SLC9A9: variants seen among roughly 807,000 people sequenced by gnomAD.
SLC9A9 encodes sodium/hydrogen exchanger 9.
In SLC9A9, 62 loss-of-function variants were observed where a neutral mutation model predicts 77.8. That is an observed-to-expected ratio of 0.80 (90% CI 0.65 to 0.98). SLC9A9 has a LOEUF of 0.98. SLC9A9 is among the 50% of genes least tolerant of loss of function. The pLI, the probability that SLC9A9 is intolerant of heterozygous loss-of-function variation, is 0.00. For synonymous variants in SLC9A9, 320 were observed against 283.5 expected (o/e 1.13, Z -1.29); for missense variants, 775 against 774.9 (o/e 1.00, Z 0.00).
chr3:143,405,123 C>A (rs920857900), intron 12 of SLC9A9, among the ~76,000 whole-genome samples: 3 of 152,158 alleles, frequency 2.0e-5, no homozygotes, highest in African/African-American at 7.2e-5. Context: ...CCCAGAAGGG[C>A]CTTTTTTGTC....
intron 9 of SLC9A9, among the ~76,000 whole-genome samples, chr3:143,498,080 A>T (rs1466209363): frequency 1.3e-5 from 2 of 152,212 alleles, no homozygotes; most frequent in Admixed American, 1.3e-4. Context: ...CTAGGATTTT[A>T]ACTTGATTTA....
At chr3:143,627,983 C>T (rs899529281) in intron 6 of SLC9A9, among the ~76,000 whole-genome samples, 1 of 152,166 alleles carries the variant, frequency 6.6e-6, no homozygotes, top group African/African-American at 2.4e-5. Context: ...GAGGGCAGCC[C>T]ATTATTTACT....
At chr3:143,565,647 T>TC (rs1341169393) in intron 8 of SLC9A9, among the ~76,000 whole-genome samples, 2 of 152,088 alleles carry the variant, frequency 1.3e-5, no homozygotes, top group African/African-American at 4.8e-5. Flanking sequence ...GGTTAACTAA[T>TC]CCCCTTGAGA....
chr3:143,463,081 C>T (rs1005273619), intron 12 of SLC9A9, among the ~76,000 whole-genome samples: 1 of 152,146 alleles, frequency 6.6e-6, no homozygotes, highest in Admixed American at 6.5e-5. Flanking sequence ...CAATACAAGT[C>T]AGTTATTATT....
intron 6 of SLC9A9, among the ~76,000 whole-genome samples, chr3:143,612,542 C>T (rs1576610051): frequency 6.6e-6 from 1 of 152,142 alleles, no homozygotes; most frequent in Admixed American, 6.5e-5. Flanking sequence ...GATGCCTGAT[C>T]GAAAGCAGAG....
At chr3:143,757,655 T>G (rs1403977222) in intron 4 of SLC9A9, among the ~76,000 whole-genome samples, 1 of 152,154 alleles carries the variant, frequency 6.6e-6, no homozygotes, top group Non-Finnish European at 1.5e-5. Context: ...CTCAAACGTG[T>G]GCCTGCCCCA....
intron 4 of SLC9A9, among the ~76,000 whole-genome samples, chr3:143,700,249 C>A (rs1487100071): frequency 6.6e-6 from 1 of 152,142 alleles, no homozygotes; most frequent in African/African-American, 2.4e-5. Context: ...AGGTAAAACT[C>A]AGCACATTCC....
At chr3:143,485,342 C>A (rs894258885) in intron 11 of SLC9A9, among the ~76,000 whole-genome samples, 1 of 152,146 alleles carries the variant, frequency 6.6e-6, no homozygotes, top group Non-Finnish European at 1.5e-5. Flanking sequence ...AGGGCCAGGA[C>A]CCTTTTAATT....
At chr3:143,354,485 A>C (rs1174277447) in intron 14 of SLC9A9, among the ~76,000 whole-genome samples, 1 of 152,218 alleles carries the variant, frequency 6.6e-6, no homozygotes, top group Non-Finnish European at 1.5e-5. Flanking sequence ...GGATAACTGC[A>C]GTCTGCGAGC....
At chr3:143,665,406 T>C (rs560669960) in intron 5 of SLC9A9, among the ~76,000 whole-genome samples, 1 of 152,224 alleles carries the variant, frequency 6.6e-6, no homozygotes, top group East Asian at 1.9e-4. Flanking sequence ...ATTGACACCC[T>C]AACATCACAA....
chr3:143,347,947 C>T (rs1394511424), intron 14 of SLC9A9, among the ~76,000 whole-genome samples: 1 of 151,866 alleles, frequency 6.6e-6, no homozygotes, highest in Non-Finnish European at 1.5e-5. Flanking sequence ...GGTAAGATTG[C>T]TTCCTTGTTT....
At chr3:143,521,963 G>T (rs917224158) in intron 9 of SLC9A9, among the ~76,000 whole-genome samples, 2 of 152,094 alleles carry the variant, frequency 1.3e-5, no homozygotes, top group Non-Finnish European at 2.9e-5. Flanking sequence ...GCTCGTGTTG[G>T]TGGGGCTGTA....
rs564970648 is a variant in SLC9A9 at position 143,503,491 on chromosome 3, G to A, written c.1090-8043C>T. On this transcript the variant is annotated intron_variant, in intron 9 of 15. Coordinates refer to ENST00000316549, the MANE Select transcript of SLC9A9 (RefSeq NM_173653.4). ...GAGGGGACCCTCCAAAGCCTGCTTC[G>A]CCACCTTCATGATGTCATCATATTT... 2.2e-4 allele frequency: 83 copies of A among 378,794 alleles called. 2 individuals carry two copies. The highest frequency in any genetic ancestry group is 1.1e-3 in the Admixed American group (38 of 33,850). 23.5% of individuals were successfully genotyped at this position (378,794 alleles called of 1,614,324 possible). A position where few individuals can be genotyped will look rare whatever the true frequency, so the allele number is the denominator to read the frequency against.
intron 1 of SLC9A9, among the ~76,000 whole-genome samples, chr3:143,837,945 G>A (rs1408491227): frequency 1.3e-4 from 20 of 152,214 alleles, no homozygotes; most frequent in Non-Finnish European, 2.9e-4. Flanking sequence ...TAGCAGAACA[G>A]AGAAAAGGAA....
chr3:143,311,455 A>G (rs1404311398), intron 14 of SLC9A9, among the ~76,000 whole-genome samples: 3 of 152,228 alleles, frequency 2.0e-5, no homozygotes, highest in African/African-American at 7.2e-5. Context: ...TTTTTGCAAC[A>G]TGATAATGCA....
At chr3:143,787,553 A>G (rs970352193) in intron 4 of SLC9A9, among the ~76,000 whole-genome samples, 3 of 152,168 alleles carry the variant, frequency 2.0e-5, no homozygotes, top group African/African-American at 7.2e-5. Flanking sequence ...ACCATATTAC[A>G]TGTGATATTA....
chr3:143,380,047 G>A (rs569600309), intron 13 of SLC9A9, among the ~76,000 whole-genome samples: 1 of 152,242 alleles, frequency 6.6e-6, no homozygotes, highest in East Asian at 1.9e-4. Flanking sequence ...TAACATCCTG[G>A]AGAGGCAGAC....
intron 1 of SLC9A9, 42 bp from the exon 2 acceptor site, chr3:143,832,263 T>A (rs2009457734): frequency 6.5e-7 from 1 of 1,536,794 alleles, no homozygotes; most frequent in African/African-American, 1.4e-5. Context: ...AGGAAGGCAA[T>A]CTAAAATGCC....
chr3:143,625,745 A>G (rs80328211), intron 6 of SLC9A9, among the ~76,000 whole-genome samples: 18,792 of 152,246 alleles, frequency 0.12, 1,460 homozygotes, highest in Non-Finnish European at 0.18. Flanking sequence ...CAATGGCAAC[A>G]AAAGCCAAAA....
Sources: allele counts gnomAD v4.1 joint callset (sites outside exome capture counted in the v4.1 genomes callset), GRCh38; gene constraint gnomAD v4.1.1; transcripts MANE v1.5; gene names NCBI Gene and HGNC (gene_info 2026-07-23, HGNC 2026-07-21).